TGFB2: variants seen among roughly 807,000 people sequenced by gnomAD.
The protein encoded by TGFB2 is transforming growth factor beta 2.
In TGFB2, 13 loss-of-function variants were observed where a neutral mutation model predicts 42.7. The ratio of observed to expected loss-of-function variants is 0.30; its 90% CI spans 0.20 to 0.48. The LOEUF (loss-of-function observed/expected upper bound fraction) is 0.48, where lower values mean the gene tolerates loss of function less well. Ranked by LOEUF, TGFB2 falls within the 20% of genes least tolerant of loss-of-function variation. The pLI is 0.99. For synonymous variants in TGFB2, 193 were observed against 193.6 expected (o/e 1.00, Z 0.03); for missense variants, 390 against 517.5 (o/e 0.75, Z 2.39).
intron 2 of TGFB2, among the ~76,000 whole-genome samples, chr1:218,416,232 G>C (rs1033532648): frequency 1.3e-5 from 2 of 151,690 alleles, no homozygotes; most frequent in African/African-American, 4.8e-5. Context: ...ACCTCTCCCT[G>C]CTCCACCACC....
rs1385196060 is a variant in TGFB2, at chr1:218,389,289, C to CA, written c.347-15879dup. On this transcript the variant is annotated intron_variant, in intron 1 of 6. Transcript: ENST00000366930. ...CTTTTGCTTTGTGATACATGTTGAACACCTATTGTGTACTAAGAGACCTTG... is the reference window on the plus strand; with the variant it reads ...CTTTTGCTTTGTGATACATGTTGAACAACCTATTGTGTACTAAGAGACCTTG... Among the ~76,000 whole-genome samples, 3 of 152,132 alleles carry CA rather than the reference C, an allele frequency of 2.0e-5. No homozygotes were observed. In the East Asian group the frequency reaches 5.8e-4, roughly 29 times the overall value.
intron 2 of TGFB2, among the ~76,000 whole-genome samples, chr1:218,409,660 T>C (rs1216268416): frequency 7.0e-6 from 1 of 143,516 alleles, no homozygotes; most frequent in Non-Finnish European, 1.5e-5. Context: ...TGAAATATTA[T>C]TTTGGAAAAA....
chr1:218,355,961 C>T (rs900221685), intron 1 of TGFB2, among the ~76,000 whole-genome samples: 9 of 152,008 alleles, frequency 5.9e-5, no homozygotes, highest in Non-Finnish European at 8.8e-5. Flanking sequence ...TAAAGAATAG[C>T]GGTCTATGTG....
chr1:218,414,520 A>G (rs760526912), intron 2 of TGFB2, among the ~76,000 whole-genome samples: 1 of 152,220 alleles, frequency 6.6e-6, no homozygotes, highest in Non-Finnish European at 1.5e-5. Flanking sequence ...ACCATGAGGT[A>G]TAATAAACAC....
At chr1:218,352,266 G>C (rs762845031) in intron 1 of TGFB2, among the ~76,000 whole-genome samples, 3 of 152,106 alleles carry the variant, frequency 2.0e-5, no homozygotes, top group Admixed American at 6.5e-5. Context: ...CCCGGAGAGA[G>C]GATTTGGATT....
chr1:218,416,313 A>G (rs1172346074), intron 2 of TGFB2, among the ~76,000 whole-genome samples: 1 of 151,864 alleles, frequency 6.6e-6, no homozygotes, highest in Non-Finnish European at 1.5e-5. Context: ...CATGTTGTAA[A>G]TGTTCAGTAT....
intron 1 of TGFB2, among the ~76,000 whole-genome samples, chr1:218,366,991 C>T (rs1456741248): frequency 6.6e-6 from 1 of 152,118 alleles, no homozygotes; most frequent in African/African-American, 2.4e-5. Flanking sequence ...AATAATATTA[C>T]TTGTTATTAA....
intron 1 of TGFB2, among the ~76,000 whole-genome samples, chr1:218,366,501 G>A (rs1367033078): frequency 2.0e-5 from 3 of 152,078 alleles, no homozygotes; most frequent in African/African-American, 7.2e-5. Context: ...TTTAGAGATG[G>A]GGTCTTGCTA....
intron 1 of TGFB2, among the ~76,000 whole-genome samples, chr1:218,394,846 C>T (rs1055181672): frequency 7.2e-5 from 11 of 152,142 alleles, no homozygotes; most frequent in African/African-American, 2.2e-4. Context: ...TTCAGAAAAC[C>T]CCAAAACACA....
chr1:218,349,369 T>C (rs1246370524), intron 1 of TGFB2, among the ~76,000 whole-genome samples: 1 of 152,220 alleles, frequency 6.6e-6, no homozygotes, highest in Non-Finnish European at 1.5e-5. Context: ...AAAAACCATA[T>C]TTTTAAAAAG....
At chr1:218,403,799 A>G (rs1658812318) in intron 1 of TGFB2, among the ~76,000 whole-genome samples, 1 of 152,212 alleles carries the variant, frequency 6.6e-6, no homozygotes, top group African/African-American at 2.4e-5. Context: ...ATTATTTGTA[A>G]TGAAGTCAGA....
chr1:218,441,519 A>T lies in TGFB2; in HGVS notation c.*157A>T. Reference sequence around the variant, plus strand: ...GGCGGTACTAGTTCAGACACTTTGGAAGTTTGTGTTCTGTTTGTTAAAACT... The same window carrying T: ...GGCGGTACTAGTTCAGACACTTTGGTAGTTTGTGTTCTGTTTGTTAAAACT... On this transcript the variant is annotated 3_prime_UTR_variant, in exon 7 of 7. Coordinates refer to ENST00000366930, the MANE Select transcript of TGFB2 (RefSeq NM_003238.6). 1 of 630,334 alleles carries T rather than the reference A, an allele frequency of 1.6e-6. No individual in the cohort carries two copies. The highest frequency in any genetic ancestry group is 2.4e-6 in the Non-Finnish European group (1 of 410,218). The allele number at this position is 630,334 out of a possible 1,614,324, so 39.0% of individuals were successfully genotyped here.
intron 1 of TGFB2, among the ~76,000 whole-genome samples, chr1:218,378,566 G>A (rs1394964484): frequency 1.3e-5 from 2 of 151,950 alleles, no homozygotes; most frequent in Non-Finnish European, 2.9e-5. Context: ...CTCCCCCCTC[G>A]GCCTCCCAAA....
chr1:218,400,636 CA>C (rs1658684203), intron 1 of TGFB2, among the ~76,000 whole-genome samples: 1 of 152,088 alleles, frequency 6.6e-6, no homozygotes, highest in Non-Finnish European at 1.5e-5. Context: ...TTCATGTCAC[CA>C]AAAAGCACCT....
At position 218,422,257 on chromosome 1, in the gene TGFB2, A is replaced by G. The variant is rs188512204; in HGVS notation, c.511-11825A>G. Among the ~76,000 whole-genome samples the G allele has an allele frequency of 2.0e-5, 3 of 149,372 alleles. No individual in the cohort carries two copies. The East Asian group carries it at 6.0e-4, about 30-fold the overall frequency. On this transcript the variant is annotated intron_variant, in intron 2 of 6. Coordinates refer to ENST00000366930, the MANE Select transcript of TGFB2 (RefSeq NM_003238.6). ...GTTTTTGACAGAGTCTCGCTCTGTC[A>G]CCCAGGCTGGAATGCAGTGGTACAA... is the stretch of plus-strand genomic sequence containing the variant.
At chr1:218,438,309 C>G (rs1660038763) in intron 6 of TGFB2, among the ~76,000 whole-genome samples, 1 of 152,054 alleles carries the variant, frequency 6.6e-6, no homozygotes. Flanking sequence ...AAAAAAAAAT[C>G]TGCTATCATC....
intron 1 of TGFB2, among the ~76,000 whole-genome samples, chr1:218,357,847 G>A (rs956399667): frequency 2.6e-5 from 4 of 152,122 alleles, no homozygotes; most frequent in African/African-American, 7.2e-5. Flanking sequence ...GAGACGCTGC[G>A]TTTCTGAAGA....
At chr1:218,388,895 C>T (rs1301452490) in intron 1 of TGFB2, among the ~76,000 whole-genome samples, 1 of 152,152 alleles carries the variant, frequency 6.6e-6, no homozygotes, top group Non-Finnish European at 1.5e-5. Context: ...AATATGATGG[C>T]GGTCTCAGAA....
chr1:218,403,317 C>T (rs994723245), intron 1 of TGFB2, among the ~76,000 whole-genome samples: 1 of 152,010 alleles, frequency 6.6e-6, no homozygotes, highest in Admixed American at 6.6e-5. Flanking sequence ...GTAGAAATTC[C>T]CCGCTTCTCC....
Sources: allele counts gnomAD v4.1 joint callset (sites outside exome capture counted in the v4.1 genomes callset), GRCh38; gene constraint gnomAD v4.1.1; transcripts MANE v1.5; gene names NCBI Gene and HGNC (gene_info 2026-07-23, HGNC 2026-07-21).